The following KLHDC2 variants were observed in gnomAD, a reference collection of about 807,000 sequenced individuals.
KLHDC2 encodes kelch domain containing 2.
KLHDC2 carries 38 observed loss-of-function variants against 62.3 expected under a neutral mutation model. The observed-to-expected ratio is 0.61, with a 90% CI of 0.47 to 0.80. The LOEUF (loss-of-function observed/expected upper bound fraction) is 0.80. KLHDC2 is among the 30% of genes least tolerant of loss of function. The pLI is 0.00. For synonymous variants in KLHDC2, 159 were observed against 161.0 expected (o/e 0.99, Z 0.09); for missense variants, 430 against 495.3 (o/e 0.87, Z 1.25).
rs1407979895 is a variant in KLHDC2 at position 49,779,782 on chromosome 14, T to C, written c.749T>C (p.Leu250Pro). 6.2e-7 allele frequency: 1 copy of C among 1,609,548 alleles called. No homozygotes were observed. Residue 250 changes from leucine (L) to proline (P), a missense_variant, in exon 8 of 13, where the codon CTG becomes CCG. Leu to Pro is a moderately conservative substitution (Grantham distance 98, BLOSUM62 -3). Coordinates refer to ENST00000298307, the MANE Select transcript of KLHDC2 (RefSeq NM_014315.3). ...ARMNDLHYLN[L>P]DTWEWNELIP... ...ATGAATGATCTTCACTATCTTAATC[T>C]GGATACATGGGAGTGGAATGAATTG...
chr14:49,785,545 A>G lies in KLHDC2; in HGVS notation c.*2592A>G, dbSNP rs1890131357. On this transcript the variant is annotated 3_prime_UTR_variant, in exon 13 of 13. Transcript: ENST00000298307. ...TTAATTTTTGCCTAGCATAATAAGTAATGAGAACAATAATTTTCAAAATCC... is the reference window on the plus strand; with the variant it reads ...TTAATTTTTGCCTAGCATAATAAGTGATGAGAACAATAATTTTCAAAATCC... The G allele has an allele frequency of 4.4e-6, 2 of 451,514 alleles. No homozygotes were observed. The highest frequency in any genetic ancestry group is 2.0e-5 in the African/African-American group (1 of 50,586). The allele number at this position is 451,514 out of a possible 1,614,324, so 28.0% of individuals were successfully genotyped here.
Position 49,783,904 on chromosome 14 carries a change from C to T in KLHDC2, c.*951C>T, listed in dbSNP as rs1258119441. The T allele has an allele frequency of 6.6e-6, 1 of 152,082 alleles. No individual in the cohort carries two copies. Among genetic ancestry groups the T allele is most frequent in the Non-Finnish European group, 1.5e-5 (1 of 67,990 alleles). The allele number at this position is 152,082 out of a possible 1,614,324, so 9.4% of individuals were successfully genotyped here. ...AAGCAGAAGAAAATCCACTCCAATACTTAGTTTTCAAGACACAATCCTAAA... is the reference window on the plus strand; with the variant it reads ...AAGCAGAAGAAAATCCACTCCAATATTTAGTTTTCAAGACACAATCCTAAA... On this transcript the variant is annotated 3_prime_UTR_variant, in exon 13 of 13. Coordinates refer to ENST00000298307, the MANE Select transcript of KLHDC2 (RefSeq NM_014315.3).
rs1375703813 is a variant in KLHDC2 at position 49,785,583 on chromosome 14, C to T, written c.*2630C>T. The stretch of plus-strand genomic sequence containing the variant: ...ATTTTCAAAATCCTACCTACAGTTA[C>T]ATTTAAGAGAAAGAAGGCCCAGGAG... On this transcript the variant is annotated 3_prime_UTR_variant, in exon 13 of 13. Coordinates refer to ENST00000298307, the MANE Select transcript of KLHDC2 (RefSeq NM_014315.3). The T allele has an allele frequency of 2.7e-6, 1 of 367,998 alleles. No homozygotes were observed. Among genetic ancestry groups the T allele is most frequent in the African/African-American group, 2.1e-5 (1 of 48,070 alleles). 22.8% of individuals were successfully genotyped at this position (367,998 alleles called of 1,614,324 possible).
intron 3 of KLHDC2, chr14:49,774,963 A>G (rs11157707): frequency 0.98 from 305,170 of 311,106 alleles, 149,962 homozygotes; most frequent in East Asian, 1. Context: ...CTTAAATGTT[A>G]GATGAACATT....
chr14:49,769,381 GCT>G (rs1157906394), intron 1 of KLHDC2, among the ~76,000 whole-genome samples: 3 of 152,096 alleles, frequency 2.0e-5, no homozygotes, highest in Non-Finnish European at 4.4e-5. Flanking sequence ...TGCTAGGATG[GCT>G]CTGAGCCAGT....
chr14:49,780,922 T>C (rs963965941), intron 10 of KLHDC2, 147 bp downstream of exon 10: 6 of 619,244 alleles, frequency 9.7e-6, no homozygotes, highest in Admixed American at 2.7e-5. Context: ...ACCAATGTTA[T>C]CCTAGTATCG....
intron 3 of KLHDC2, 164 bp from the exon 4 acceptor site, chr14:49,777,675 G>C: frequency 2.1e-6 from 1 of 467,906 alleles, no homozygotes; most frequent in Non-Finnish European, 3.8e-6. Flanking sequence ...TTCAGTCACA[G>C]AATCCTCATC....
At chr14:49,782,325 C>T in intron 10 of KLHDC2, 45 bp from the exon 11 acceptor site, 3 of 1,322,526 alleles carry the variant, frequency 2.3e-6, no homozygotes, top group Non-Finnish European at 3.2e-6. Flanking sequence ...AAATGGCCAA[C>T]TGGTGTTCTG....
intron 1 of KLHDC2, among the ~76,000 whole-genome samples, chr14:49,769,554 C>G (rs1039627392): frequency 2.0e-5 from 3 of 152,208 alleles, no homozygotes; most frequent in African/African-American, 7.2e-5. Flanking sequence ...TGTCCTGATA[C>G]TTTATTTTGG....
rs1351124775 is a variant in KLHDC2, at chr14:49,779,578, T to G, written c.634-17T>G. 1.1e-5 allele frequency: 18 copies of G among 1,605,986 alleles called. No homozygotes were observed. Among genetic ancestry groups the G allele is most frequent in the Non-Finnish European group, 1.5e-5 (18 of 1,173,370 alleles). ...GTTTATAAAAAGTTCACTAACTTGCTTATGTGCCTCTAATAGGGTAAAGCA... is the reference window on the plus strand; with the variant it reads ...GTTTATAAAAAGTTCACTAACTTGCGTATGTGCCTCTAATAGGGTAAAGCA... On this transcript the variant is annotated splice_polypyrimidine_tract_variant and intron_variant, in intron 6 of 12. Coordinates refer to ENST00000298307, the MANE Select transcript of KLHDC2 (RefSeq NM_014315.3).
chr14:49,773,738 G>C (rs1000709489), intron 2 of KLHDC2, among the ~76,000 whole-genome samples: 5 of 151,408 alleles, frequency 3.3e-5, no homozygotes, highest in African/African-American at 9.7e-5. Flanking sequence ...CACCACGCCT[G>C]GCTAATTTTT....
In KLHDC2 at chr14:49,768,507, G is replaced by A. The variant is rs746844892; in HGVS notation, c.39G>A (p.Leu13=). The A allele has an allele frequency of 1.2e-6, 2 of 1,610,094 alleles. No individual in the cohort carries two copies. The highest frequency in any genetic ancestry group is 1.7e-5 in the Admixed American group (1 of 59,580). ...ACGAGGATCTGCGGGCTGACGACTTGCCTGGGCCAGCCTTCGAGAGCTATG... is the reference window on the plus strand; with the variant it reads ...ACGAGGATCTGCGGGCTGACGACTTACCTGGGCCAGCCTTCGAGAGCTATG... ...DGNEDLRADD[L]PGPAFESYES... Residue 13 remains leucine (L), a synonymous_variant, in exon 1 of 13, where the codon TTG becomes TTA. Coordinates refer to ENST00000298307, the MANE Select transcript of KLHDC2 (RefSeq NM_014315.3).
In KLHDC2 at chr14:49,785,446, G is replaced by A; in HGVS notation, c.*2493G>A. ...CCTGATATACATACCATCTAAGCTG[G>A]AACAGTGGTACTTAAACTCTGCTTC... On this transcript the variant is annotated 3_prime_UTR_variant, in exon 13 of 13. Coordinates refer to ENST00000298307, the MANE Select transcript of KLHDC2 (RefSeq NM_014315.3). 1.5e-6 allele frequency: 1 copy of A among 669,932 alleles called. No homozygotes were observed. Among genetic ancestry groups the A allele is most frequent in the Admixed American group, 2.3e-5 (1 of 43,068 alleles). The allele number at this position is 669,932 out of a possible 1,614,324, so 41.5% of individuals were successfully genotyped here.
chr14:49,776,446 T>C (rs1226445039), intron 3 of KLHDC2, among the ~76,000 whole-genome samples: 2 of 152,208 alleles, frequency 1.3e-5, no homozygotes, highest in African/African-American at 4.8e-5. Flanking sequence ...AAAGGAAAGA[T>C]GAATATTTAA....
intron 1 of KLHDC2, 150 bp downstream of exon 1, chr14:49,768,771 T>C (rs1376358074): frequency 2.9e-6 from 2 of 681,726 alleles, no homozygotes; most frequent in African/African-American, 3.9e-5. Context: ...TGGTTGTTTT[T>C]TTTTTGCGCG....
At chr14:49,771,727 G>T in intron 2 of KLHDC2, 54 bp downstream of exon 2, 1 of 907,326 alleles carries the variant, frequency 1.1e-6, no homozygotes, top group East Asian at 2.4e-5. Flanking sequence ...GGCTGGGCAC[G>T]GTGGCTGGCT....
rs772816798 is a variant in KLHDC2, at chr14:49,785,088, A to G, written c.*2135A>G. On this transcript the variant is annotated 3_prime_UTR_variant, in exon 13 of 13. Coordinates refer to ENST00000298307, the MANE Select transcript of KLHDC2 (RefSeq NM_014315.3). The stretch of plus-strand genomic sequence containing the variant: ...TCATAATTCAAAAAAACAAATTTAA[A>G]TACCTTTTCCCTTTTTCTGCACTCC... 10 of 1,606,862 alleles carry G rather than the reference A, an allele frequency of 6.2e-6. No individual in the cohort carries two copies. The highest frequency in any genetic ancestry group is 7.7e-6 in the Non-Finnish European group (9 of 1,173,652).
Position 49,784,480 on chromosome 14 carries a change from GA to G in KLHDC2, c.*1533del, listed in dbSNP as rs1050626491. 2.6e-5 allele frequency: 15 copies of G among 582,056 alleles called. No individual in the cohort carries two copies. The highest frequency in any genetic ancestry group is 4.2e-5 in the Non-Finnish European group (14 of 331,912). 36.1% of individuals were successfully genotyped at this position (582,056 alleles called of 1,614,324 possible). A position where few individuals can be genotyped will look rare whatever the true frequency, so the allele number is the denominator to read the frequency against. On this transcript the variant is annotated 3_prime_UTR_variant, in exon 13 of 13. Transcript: ENST00000298307. ...CAGTGTTTCCTCTATATAAAACTGG[GA>G]AAAAACAAGAAGTAAGTCCTTTTGG...
intron 6 of KLHDC2, among the ~76,000 whole-genome samples, chr14:49,778,844 CTCCTGAG>C (rs1889826783): frequency 6.6e-6 from 1 of 152,002 alleles, no homozygotes; most frequent in South Asian, 2.1e-4. Flanking sequence ...CTGCCTCAGC[CTCCTGAG>C]TATCTGGGAT....
Sources: allele counts gnomAD v4.1 joint callset (sites outside exome capture counted in the v4.1 genomes callset), GRCh38; gene constraint gnomAD v4.1.1; transcripts MANE v1.5; gene names NCBI Gene and HGNC (gene_info 2026-07-23, HGNC 2026-07-21).